The following GSR variants were observed in gnomAD, a reference collection of about 807,000 sequenced individuals.
The protein encoded by GSR is glutathione-disulfide reductase, also known as glutathione reductase, mitochondrial.
GSR carries 48 observed loss-of-function variants against 56.5 expected under a neutral mutation model. The ratio of observed to expected loss-of-function variants is 0.85; its 90% CI spans 0.67 to 1.08. The LOEUF (loss-of-function observed/expected upper bound fraction) is 1.08. Ranked by LOEUF, GSR falls within the 50% of genes least tolerant of loss-of-function variation. The pLI is 0.00. For missense variants in GSR, 694 were observed against 703.3 expected (o/e 0.99, Z 0.15); for synonymous variants, 264 against 270.8 (o/e 0.97, Z 0.25).
In GSR at chr8:30,692,995, C is replaced by T. The variant is rs1183506227; in HGVS notation, c.856G>A (p.Gly286Ser). The change falls in exon 8 of 13, where the codon GGC (glycine) becomes AGC (serine). Residue 286 changes from glycine (G) to serine (S), a missense_variant. Transcript: ENST00000221130. Reference sequence around the variant, plus strand: ...TGGGAGAACTTCAGCACCTCCACGCCAGCGTTCTCCAGCTCCTCCGTGCAG... The same window carrying T: ...TGGGAGAACTTCAGCACCTCCACGCTAGCGTTCTCCAGCTCCTCCGTGCAG... ...TNCTEELENA[G>S]VEVLKFSQVK... 1 of 1,612,316 alleles carries T rather than the reference C, an allele frequency of 6.2e-7. No homozygotes were observed. The highest frequency in any genetic ancestry group is 2.2e-5 in the East Asian group (1 of 44,876).
At chr8:30,710,731 A>T (rs868007392) in intron 2 of GSR, among the ~76,000 whole-genome samples, 1 of 103,348 alleles carries the variant, frequency 9.7e-6, no homozygotes, top group East Asian at 2.4e-4. Flanking sequence ...AAAAAAAAAA[A>T]AAAAAAAAAA....
chr8:30,726,630 T>C (rs182726657), intron 1 of GSR, among the ~76,000 whole-genome samples: 1 of 152,098 alleles, frequency 6.6e-6, no homozygotes, highest in East Asian at 1.9e-4. Flanking sequence ...GCGTGGTGAT[T>C]AGCCCCCTGT....
chr8:30,726,073 G>T (rs1012461369), intron 1 of GSR, among the ~76,000 whole-genome samples: 7 of 152,098 alleles, frequency 4.6e-5, no homozygotes, highest in African/African-American at 1.7e-4. Context: ...TCTGCCTTCT[G>T]GAGAGACAGA....
chr8:30,709,587 T>G (rs1804036815), intron 3 of GSR, among the ~76,000 whole-genome samples: 1 of 152,088 alleles, frequency 6.6e-6, no homozygotes, highest in Non-Finnish European at 1.5e-5. Context: ...AGTTTCTGTT[T>G]GGGATAGCAG....
intron 6 of GSR, among the ~76,000 whole-genome samples, chr8:30,697,199 T>C (rs558492211): frequency 1.3e-5 from 2 of 151,918 alleles, no homozygotes; most frequent in Non-Finnish European, 2.9e-5. Flanking sequence ...GTGGATCACC[T>C]GGTCAGGAGT....
chr8:30,681,465 C>A (rs1183277568), intron 11 of GSR, among the ~76,000 whole-genome samples: 2 of 151,498 alleles, frequency 1.3e-5, no homozygotes, highest in Non-Finnish European at 1.5e-5. Flanking sequence ...GCGGAGGTTG[C>A]AGTGAGCAGA....
At chr8:30,716,383 C>T (rs1804333888) in intron 1 of GSR, among the ~76,000 whole-genome samples, 2 of 152,224 alleles carry the variant, frequency 1.3e-5, no homozygotes, top group African/African-American at 4.8e-5. Context: ...AAGCCTATGA[C>T]CCTGAAATAC....
rs762783078 is a variant in GSR at position 30,686,830 on chromosome 8, G to GT, written c.1041+2330dup. Among the ~76,000 whole-genome samples the GT allele has an allele frequency of 9.3e-4, 138 of 147,790 alleles. 1 individual carries two copies. The highest frequency in any genetic ancestry group is 9.1e-3 in the East Asian group (46 of 5,048). On this transcript the variant is annotated intron_variant, in intron 9 of 12. Transcript: ENST00000221130. ...TTTGTTGTTGTTGTTTTCTTTTGGT[G>GT]TTTTTTTTTGGTTTTTTTTTTTTGA...
intron 1 of GSR, among the ~76,000 whole-genome samples, chr8:30,722,696 C>A (rs2739009): frequency 0.78 from 114,831 of 146,974 alleles, 48,668 homozygotes; most frequent in Non-Finnish European, 0.94. Flanking sequence ...CATGCCCCTG[C>A]ACTCCAGCCT....
At chr8:30,723,803 CACACACACACACACA>C (rs1804633776) in intron 1 of GSR, among the ~76,000 whole-genome samples, 1 of 151,772 alleles carries the variant, frequency 6.6e-6, no homozygotes, top group African/African-American at 2.4e-5. Context: ...CACACACACA[CACACACACACACACA>C]CCCAGGTCTG....
At chr8:30,681,067 C>G (rs1237252878) in intron 11 of GSR, 30 bp from the exon 12 acceptor site, 2 of 1,577,386 alleles carry the variant, frequency 1.3e-6, no homozygotes. Flanking sequence ...AAGCATCTAT[C>G]AGAAAACTAA....
chr8:30,702,864 G>A (rs1803788860), intron 5 of GSR, among the ~76,000 whole-genome samples: 1 of 152,184 alleles, frequency 6.6e-6, no homozygotes, highest in South Asian at 2.1e-4. Context: ...CTTGAACCCA[G>A]GAGGCGGAGG....
chr8:30,711,125 G>T (rs181063734), intron 2 of GSR, among the ~76,000 whole-genome samples: 1 of 152,142 alleles, frequency 6.6e-6, no homozygotes, highest in African/African-American at 2.4e-5. Flanking sequence ...CCACGGAAAA[G>T]ACTTCAAAAA....
chr8:30,700,023 A>G, intron 6 of GSR, 58 bp downstream of exon 6: 1 of 1,256,766 alleles, frequency 8.0e-7, no homozygotes. Context: ...GACGAAGAAA[A>G]GTTACCAGGA....
intron 1 of GSR, among the ~76,000 whole-genome samples, chr8:30,712,919 A>C (rs1364799705): frequency 3.9e-5 from 6 of 152,258 alleles, no homozygotes; most frequent in Non-Finnish European, 8.8e-5. Flanking sequence ...GCACAAATGC[A>C]CAGATTATCA....
At chr8:30,723,212 C>T (rs1228555901) in intron 1 of GSR, among the ~76,000 whole-genome samples, 4 of 152,144 alleles carry the variant, frequency 2.6e-5, no homozygotes, top group African/African-American at 9.7e-5. Context: ...AGAAGCGAAC[C>T]ACAGAGGCAA....
intron 6 of GSR, 58 bp from the exon 7 acceptor site, chr8:30,696,537 C>T (rs564010849): frequency 6.8e-6 from 8 of 1,181,206 alleles, no homozygotes; most frequent in African/African-American, 6.0e-5. Context: ...AATAATTTCA[C>T]GTTTACAGAA....
Position 30,684,208 on chromosome 8 carries a change from A to G in GSR, c.1042-9T>C, listed in dbSNP as rs763811634. 6.8e-7 allele frequency: 1 copy of G among 1,479,190 alleles called. No homozygotes were observed. Among genetic ancestry groups the G allele is most frequent in the East Asian group, 2.3e-5 (1 of 44,270 alleles). 91.6% of individuals were successfully genotyped at this position (1,479,190 alleles called of 1,614,324 possible). A position where few individuals can be genotyped will look rare whatever the true frequency, so the allele number is the denominator to read the frequency against. ...TCATCGGTTTGAATCCCCTAAAATT[A>G]CAAAGAGATATCATGTAACCACTTG... On this transcript the variant is annotated splice_polypyrimidine_tract_variant and intron_variant, in intron 9 of 12. Transcript: ENST00000221130.
chr8:30,702,119 G>C (rs1803763732), intron 5 of GSR, among the ~76,000 whole-genome samples: 5 of 151,976 alleles, frequency 3.3e-5, no homozygotes, highest in Admixed American at 3.3e-4. Flanking sequence ...GGAGGCCGAG[G>C]TGGGCCCATG....
Sources: allele counts gnomAD v4.1 joint callset (sites outside exome capture counted in the v4.1 genomes callset), GRCh38; gene constraint gnomAD v4.1.1; transcripts MANE v1.5; gene names NCBI Gene and HGNC (gene_info 2026-07-23, HGNC 2026-07-21).